Variants in FMN1 observed in about 807,000 individuals in gnomAD.
The protein encoded by FMN1 is formin 1, also known as formin-1.
Under a neutral mutation model 132.4 loss-of-function variants are expected in FMN1, and 110 were observed. The ratio of observed to expected loss-of-function variants is 0.83; its 90% CI spans 0.71 to 0.97. FMN1 has a LOEUF of 0.97. FMN1 is among the 50% of genes least tolerant of loss of function. The probability of loss-of-function intolerance (pLI) is 0.00; values close to 1 mark genes in which losing one functional copy is unlikely to be tolerated. For synonymous variants in FMN1, 722 were observed against 651.7 expected (o/e 1.11, Z -1.64); for missense variants, 1,792 against 1,705.3 (o/e 1.05, Z -0.90).
At chr15:33,055,014 A>C (rs1298509655) in intron 6 of FMN1, among the ~76,000 whole-genome samples, 1 of 152,158 alleles carries the variant, frequency 6.6e-6, no homozygotes, top group Admixed American at 6.5e-5. Flanking sequence ...CAGCCACAGC[A>C]CTCAAAAATT....
At chr15:33,072,202 G>A (rs949701301) in intron 5 of FMN1, among the ~76,000 whole-genome samples, 3 of 152,116 alleles carry the variant, frequency 2.0e-5, no homozygotes, top group African/African-American at 4.8e-5. Context: ...GACAACCCAC[G>A]TTTGAACTGT....
chr15:33,029,578 C>A (rs1308382830), intron 6 of FMN1, among the ~76,000 whole-genome samples: 1 of 151,964 alleles, frequency 6.6e-6, no homozygotes, highest in Non-Finnish European at 1.5e-5. Flanking sequence ...GTAGTCCAGA[C>A]AAGGGTAGGA....
chr15:32,908,395 GCA>G, intron 12 of FMN1, 93 bp downstream of exon 12: 1 of 780,086 alleles, frequency 1.3e-6, no homozygotes, highest in Non-Finnish European at 2.2e-6. Flanking sequence ...TTAGCTGGCT[GCA>G]CATTTAGATT....
chr15:32,872,053 T>C (rs2059528371), intron 16 of FMN1, among the ~76,000 whole-genome samples: 1 of 152,130 alleles, frequency 6.6e-6, no homozygotes, highest in African/African-American at 2.4e-5. Context: ...TTTTTTTTTT[T>C]TGAAAGGCCC....
chr15:32,849,148 T>TG (rs1258593080), intron 17 of FMN1, among the ~76,000 whole-genome samples: 4 of 61,354 alleles, frequency 6.5e-5, no homozygotes, highest in South Asian at 5.8e-4. Flanking sequence ...CACGCTCAGC[T>TG]AATTTTTTTT....
Position 32,822,871 on chromosome 15 carries a change from G to A in FMN1, c.3929-18539C>T, listed in dbSNP as rs115765313. On this transcript the variant is annotated intron_variant, in intron 17 of 20. Transcript: ENST00000616417. ...GAATATCTGTTCTGCCTACAAGCAT[G>A]TTTTTTCAGGTGTAAATTCTCCTGT... Among the ~76,000 whole-genome samples, 307 of 152,286 alleles carry A rather than the reference G, an allele frequency of 2.0e-3. 2 individuals carry two copies. Among genetic ancestry groups the A allele is most frequent in the African/African-American group, 7.1e-3 (294 of 41,552 alleles).
At chr15:33,078,685 A>C (rs1461256575) in intron 5 of FMN1, among the ~76,000 whole-genome samples, 1 of 151,938 alleles carries the variant, frequency 6.6e-6, no homozygotes, top group African/African-American at 2.4e-5. Context: ...CCAGAACTTT[A>C]TGTTAACATA....
intron 9 of FMN1, among the ~76,000 whole-genome samples, chr15:32,936,555 T>C (rs1193997952): frequency 2.6e-5 from 4 of 152,114 alleles, no homozygotes; most frequent in Non-Finnish European, 5.9e-5. Context: ...CAGCTCCTTT[T>C]TGTTCTCATC....
At chr15:32,957,721 C>G (rs986454365) in intron 9 of FMN1, among the ~76,000 whole-genome samples, 2 of 152,142 alleles carry the variant, frequency 1.3e-5, no homozygotes, top group Non-Finnish European at 2.9e-5. Context: ...GCAAAGAATA[C>G]TTAACGTACT....
intron 7 of FMN1, among the ~76,000 whole-genome samples, chr15:32,998,829 T>C (rs2033929202): frequency 6.6e-6 from 1 of 152,216 alleles, no homozygotes; most frequent in African/African-American, 2.4e-5. Context: ...TTGGCCCCCA[T>C]GATACAAATG....
intron 7 of FMN1, among the ~76,000 whole-genome samples, chr15:32,979,646 T>A (rs538220582): frequency 1.4e-4 from 21 of 151,924 alleles, no homozygotes; most frequent in Admixed American, 1.2e-3. Context: ...TAAGTTATGA[T>A]GAATTTCCAG....
At chr15:32,848,964 T>C (rs1239673951) in intron 17 of FMN1, among the ~76,000 whole-genome samples, 5 of 146,012 alleles carry the variant, frequency 3.4e-5, no homozygotes, top group African/African-American at 1.0e-4. Flanking sequence ...CAGTCTTGGG[T>C]TAGTTCTCTT....
intron 7 of FMN1, among the ~76,000 whole-genome samples, chr15:32,995,514 A>C (rs781560557): frequency 6.6e-6 from 1 of 152,246 alleles, no homozygotes; most frequent in Non-Finnish European, 1.5e-5. Context: ...ATGAGGATTA[A>C]ATAAAATAAT....
chr15:33,007,186 A>G (rs373802798), intron 7 of FMN1, among the ~76,000 whole-genome samples: 3 of 152,168 alleles, frequency 2.0e-5, no homozygotes, highest in African/African-American at 7.2e-5. Context: ...TATATATACA[A>G]TTTCTATTCG....
intron 9 of FMN1, among the ~76,000 whole-genome samples, chr15:32,937,758 A>G (rs576990790): frequency 2.6e-5 from 4 of 152,384 alleles, no homozygotes; most frequent in Non-Finnish European, 4.4e-5. Context: ...CCTCTCCTTC[A>G]TAATTGGAGG....
intron 4 of FMN1, among the ~76,000 whole-genome samples, chr15:33,123,635 C>T (rs1012758235): frequency 3.3e-5 from 5 of 152,200 alleles, no homozygotes; most frequent in Admixed American, 1.3e-4. Flanking sequence ...GATCAAACAG[C>T]TAGCTATTTT....
At chr15:32,875,477 T>C in intron 16 of FMN1, among the ~76,000 whole-genome samples, 1 of 152,188 alleles carries the variant, frequency 6.6e-6, no homozygotes, top group African/African-American at 2.4e-5. Flanking sequence ...GTGGTTAGGT[T>C]AGTAAGTGGC....
At chr15:32,900,412 T>C (rs980244689) in intron 13 of FMN1, among the ~76,000 whole-genome samples, 1 of 152,256 alleles carries the variant, frequency 6.6e-6, no homozygotes, top group Non-Finnish European at 1.5e-5. Context: ...GTTTAATTTT[T>C]AATACTTATT....
intron 17 of FMN1, among the ~76,000 whole-genome samples, chr15:32,815,764 TTGG>T (rs1361865938): frequency 6.6e-6 from 1 of 152,058 alleles, no homozygotes; most frequent in Admixed American, 6.5e-5. Context: ...CACAGTCAGA[TTGG>T]TGGTGGTGGT....
Sources: allele counts gnomAD v4.1 joint callset (sites outside exome capture counted in the v4.1 genomes callset), GRCh38; gene constraint gnomAD v4.1.1; transcripts MANE v1.5; gene names NCBI Gene and HGNC (gene_info 2026-07-23, HGNC 2026-07-21).